The following CNBD1 variants were observed in gnomAD, a reference collection of about 807,000 sequenced individuals.
The protein encoded by CNBD1 is cyclic nucleotide-binding domain-containing protein 1.
Under a neutral mutation model 54.4 loss-of-function variants are expected in CNBD1, and 71 were observed. The observed-to-expected ratio is 1.30, with a 90% CI of 1.08 to 1.59. The LOEUF is 1.59. Ranked by LOEUF, CNBD1 falls within the 40% of genes most tolerant of loss-of-function variation. The pLI is 0.00. For missense variants in CNBD1, 659 were observed against 518.0 expected (o/e 1.27, Z -2.64); for synonymous variants, 182 against 170.7 (o/e 1.07, Z -0.51).
At chr8:87,284,888 CA>C in intron 7 of CNBD1, 73 bp downstream of exon 7, 2 of 1,043,538 alleles carry the variant, frequency 1.9e-6, no homozygotes, top group Non-Finnish European at 1.4e-6. Context: ...ATTCTCTAGA[CA>C]AAGACAGCTA....
intron 3 of CNBD1, among the ~76,000 whole-genome samples, chr8:86,930,352 C>G (rs1161085374): frequency 1.3e-5 from 2 of 152,096 alleles, no homozygotes; most frequent in Non-Finnish European, 2.9e-5. Flanking sequence ...GTCAAGAGAT[C>G]TAGAGTAGCC....
intron 4 of CNBD1, among the ~76,000 whole-genome samples, chr8:86,968,385 A>T (rs1808140981): frequency 6.6e-6 from 1 of 152,138 alleles, no homozygotes; most frequent in Admixed American, 6.5e-5. Context: ...GGTCCTCTGG[A>T]GTTTCTAATA....
At chr8:87,380,113 A>G (rs926571074) in intron 10 of CNBD1, among the ~76,000 whole-genome samples, 3 of 151,964 alleles carry the variant, frequency 2.0e-5, no homozygotes, top group African/African-American at 4.8e-5. Context: ...TTATAATTAC[A>G]TACACAAACA....
At chr8:87,087,247 GTATATATATATATACA>G (rs1290215047) in intron 4 of CNBD1, among the ~76,000 whole-genome samples, 1 of 132,150 alleles carries the variant, frequency 7.6e-6, no homozygotes, top group African/African-American at 2.9e-5. Flanking sequence ...ATATATATAC[GTATATATATATATACA>G]TATATATATA....
At chr8:87,151,222 CCTTTGA>C (rs1484941086) in intron 4 of CNBD1, among the ~76,000 whole-genome samples, 3 of 152,284 alleles carry the variant, frequency 2.0e-5, no homozygotes, top group Admixed American at 2.0e-4. Context: ...CCAGGAGCAT[CCTTTGA>C]CCCAATTTAG....
chr8:87,153,887 G>T (rs183375061), intron 4 of CNBD1, among the ~76,000 whole-genome samples: 2 of 152,270 alleles, frequency 1.3e-5, no homozygotes, highest in Non-Finnish European at 2.9e-5. Flanking sequence ...AAGTAAGGTG[G>T]TTAAGTAAGC....
intron 4 of CNBD1, among the ~76,000 whole-genome samples, chr8:86,950,132 G>A (rs1284889353): frequency 1.5e-5 from 2 of 129,214 alleles, no homozygotes; most frequent in African/African-American, 5.9e-5. Flanking sequence ...TGTGATCTCA[G>A]CTCACTGCAA....
intron 10 of CNBD1, among the ~76,000 whole-genome samples, chr8:87,370,142 G>T (rs1244750544): frequency 2.0e-5 from 3 of 151,666 alleles, no homozygotes; most frequent in Admixed American, 6.6e-5. Context: ...GGACATTTGG[G>T]TTGGTTCCAA....
At chr8:87,101,600 A>C (rs944339811) in intron 4 of CNBD1, among the ~76,000 whole-genome samples, 3 of 152,218 alleles carry the variant, frequency 2.0e-5, no homozygotes, top group Non-Finnish European at 4.4e-5. Context: ...CAAAATGTCA[A>C]TAATAATGTT....
At chr8:86,970,436 A>G (rs990151510) in intron 4 of CNBD1, among the ~76,000 whole-genome samples, 2 of 151,924 alleles carry the variant, frequency 1.3e-5, no homozygotes, top group African/African-American at 4.8e-5. Flanking sequence ...TGGTGTGTTA[A>G]TCTCATTCAC....
In CNBD1 at chr8:87,248,146, A is replaced by C. The variant is rs1290533096; in HGVS notation, c.771+11034A>C. Among the ~76,000 whole-genome samples the C allele has an allele frequency of 3.3e-5, 5 of 152,286 alleles. No individual in the cohort carries two copies. The East Asian group carries it at 9.7e-4, about 29-fold the overall frequency. The stretch of plus-strand genomic sequence containing the variant: ...CCTCCTGAAAAATATATCACACAAA[A>C]CCAAGAATTGTTGCCTTGTTGTCAA... On this transcript the variant is annotated intron_variant, in intron 6 of 10. Transcript: ENST00000518476.
At chr8:87,035,734 G>C (rs7015690) in intron 4 of CNBD1, among the ~76,000 whole-genome samples, 4,566 of 152,212 alleles carry the variant, frequency 0.03, 237 homozygotes, top group African/African-American at 0.1. Flanking sequence ...TTGCTTCTCT[G>C]TCATATAAAT....
chr8:87,023,333 C>T (rs1351939648), intron 4 of CNBD1, among the ~76,000 whole-genome samples: 1 of 151,998 alleles, frequency 6.6e-6, no homozygotes, highest in African/African-American at 2.4e-5. Flanking sequence ...TTAAAATATA[C>T]CTTTAAATTT....
chr8:87,011,292 C>G (rs1197696366), intron 4 of CNBD1, among the ~76,000 whole-genome samples: 1 of 150,524 alleles, frequency 6.6e-6, no homozygotes, highest in East Asian at 2.0e-4. Flanking sequence ...CTGCTTGACT[C>G]TTTGGCCTCC....
chr8:87,328,531 G>T (rs1809742588), intron 8 of CNBD1, among the ~76,000 whole-genome samples: 1 of 151,212 alleles, frequency 6.6e-6, no homozygotes, highest in Admixed American at 6.6e-5. Context: ...AATATGTTTT[G>T]AATCAGAAAC....
intron 4 of CNBD1, among the ~76,000 whole-genome samples, chr8:87,082,982 C>A (rs1811026852): frequency 6.6e-6 from 1 of 152,270 alleles, no homozygotes; most frequent in South Asian, 2.1e-4. Context: ...AATAATATCA[C>A]CTCACATGTT....
chr8:87,294,178 G>A (rs1808833283), intron 8 of CNBD1, among the ~76,000 whole-genome samples: 1 of 152,030 alleles, frequency 6.6e-6, no homozygotes, highest in African/African-American at 2.4e-5. Flanking sequence ...AGAGATGAGA[G>A]GCAATGGAGA....
At chr8:87,069,768 A>G (rs1040132997) in intron 4 of CNBD1, among the ~76,000 whole-genome samples, 1 of 152,042 alleles carries the variant, frequency 6.6e-6, no homozygotes, top group Non-Finnish European at 1.5e-5. Flanking sequence ...GTAATTTAGC[A>G]TTTTAGTTAT....
intron 4 of CNBD1, among the ~76,000 whole-genome samples, chr8:87,100,961 C>T (rs898850003): frequency 2.6e-5 from 4 of 152,152 alleles, no homozygotes; most frequent in East Asian, 1.9e-4. Context: ...GTAAAACCAG[C>T]ATCCAGAAAG....
Sources: gnomAD v4.1 joint callset for allele counts (sites outside exome capture counted in the v4.1 genomes callset) on GRCh38, gnomAD v4.1.1 for gene constraint, MANE v1.5 for transcripts, NCBI Gene and HGNC (gene_info 2026-07-23, HGNC 2026-07-21) for gene names.